The following FBXL17 variants were observed in gnomAD, a reference collection of about 807,000 sequenced individuals.
The protein encoded by FBXL17 is F-box/LRR-repeat protein 17.
FBXL17 carries 22 observed loss-of-function variants against 66.2 expected under a neutral mutation model. The observed-to-expected ratio is 0.33, with a 90% CI of 0.24 to 0.47. The LOEUF (loss-of-function observed/expected upper bound fraction) is 0.47, where lower values mean the gene tolerates loss of function less well. Ranked by LOEUF, FBXL17 falls within the 20% of genes least tolerant of loss-of-function variation. The probability of loss-of-function intolerance (pLI) is 1.00; values close to 1 mark genes in which losing one functional copy is unlikely to be tolerated. For synonymous variants in FBXL17, 474 were observed against 400.5 expected, an observed-to-expected ratio of 1.18 and a Z score of -2.19; for missense variants, 878 against 948.2, an observed-to-expected ratio of 0.93 and a Z score of 0.97.
At chr5:108,239,110 C>T (rs1419427735) in intron 4 of FBXL17, among the ~76,000 whole-genome samples, 1 of 151,944 alleles carries the variant, frequency 6.6e-6, no homozygotes, top group African/African-American at 2.4e-5. Context: ...GGCTGCAGTA[C>T]AGTAGCGCGA....
intron 6 of FBXL17, among the ~76,000 whole-genome samples, chr5:108,087,866 A>G (rs1397704037): frequency 6.6e-6 from 1 of 152,230 alleles, no homozygotes; most frequent in Non-Finnish European, 1.5e-5. Flanking sequence ...TAATACAATT[A>G]AGTTTGCTGG....
chr5:107,986,519 A>AATTAAAAT (rs1477656295), intron 7 of FBXL17, among the ~76,000 whole-genome samples: 7 of 151,760 alleles, frequency 4.6e-5, no homozygotes, highest in African/African-American at 1.7e-4. Context: ...TACACTACAG[A>AATTAAAAT]ATTAAAATCC....
chr5:108,025,775 A>C (rs1754797616), intron 6 of FBXL17, among the ~76,000 whole-genome samples: 1 of 151,888 alleles, frequency 6.6e-6, no homozygotes, highest in East Asian at 1.9e-4. Context: ...CGAAAGGAGT[A>C]AAAATTGTTT....
At chr5:107,877,958 AC>A (rs1310443236) in intron 8 of FBXL17, among the ~76,000 whole-genome samples, 1 of 151,562 alleles carries the variant, frequency 6.6e-6, no homozygotes, top group African/African-American at 2.4e-5. Flanking sequence ...CTTATTTTTC[AC>A]TATTATTTTG....
At chr5:107,866,392 T>C (rs1285652793) in intron 8 of FBXL17, among the ~76,000 whole-genome samples, 1 of 152,226 alleles carries the variant, frequency 6.6e-6, no homozygotes, top group African/African-American at 2.4e-5. Flanking sequence ...TGGTAGCAAT[T>C]TGTCTGATAT....
intron 7 of FBXL17, among the ~76,000 whole-genome samples, chr5:107,965,020 G>A (rs1752066331): frequency 1.3e-5 from 2 of 151,972 alleles, no homozygotes; most frequent in African/African-American, 2.4e-5. Flanking sequence ...GTGTTTTACC[G>A]CATTTGACAC....
intron 4 of FBXL17, among the ~76,000 whole-genome samples, chr5:108,323,785 A>G (rs1013093068): frequency 6.6e-6 from 1 of 152,096 alleles, no homozygotes; most frequent in Admixed American, 6.6e-5. Context: ...AAATTCTTGC[A>G]TAAAAAGTCA....
intron 4 of FBXL17, among the ~76,000 whole-genome samples, chr5:108,270,634 T>A (rs1757230335): frequency 6.6e-6 from 1 of 151,674 alleles, no homozygotes; most frequent in Non-Finnish European, 1.5e-5. Context: ...ACATTTAAGA[T>A]TTTCTTTCTC....
chr5:107,890,543 G>C (rs1375048464), intron 7 of FBXL17, among the ~76,000 whole-genome samples: 1 of 151,704 alleles, frequency 6.6e-6, no homozygotes, highest in Non-Finnish European at 1.5e-5. Context: ...GTGCACCTGT[G>C]GTCCCAACTA....
At chr5:108,272,764 T>A (rs955763209) in intron 4 of FBXL17, among the ~76,000 whole-genome samples, 1 of 152,200 alleles carries the variant, frequency 6.6e-6, no homozygotes, top group African/African-American at 2.4e-5. Context: ...ATTATATATA[T>A]GACTAGTGTC....
Position 108,108,869 on chromosome 5 carries a change from C to T in FBXL17, c.1745+77248G>A, listed in dbSNP as rs534446335. 1.2e-4 allele frequency among the ~76,000 whole-genome samples: 18 copies of T among 149,138 alleles called. No homozygotes were observed. In the East Asian group the frequency reaches 2.6e-3, roughly 21 times the overall value. Reference sequence around the variant, plus strand: ...TGTGATCTCGGCTCACTGCAACCTCCGCCTCCCGGGTTCAAGCGATTCTCC... The same window carrying T: ...TGTGATCTCGGCTCACTGCAACCTCTGCCTCCCGGGTTCAAGCGATTCTCC... On this transcript the variant is annotated intron_variant, in intron 6 of 8. Coordinates refer to ENST00000542267, the MANE Select transcript of FBXL17 (RefSeq NM_001163315.3).
intron 7 of FBXL17, among the ~76,000 whole-genome samples, chr5:107,908,988 C>T (rs1749856082): frequency 6.6e-6 from 1 of 152,038 alleles, no homozygotes. Flanking sequence ...AAGTGGCCGT[C>T]GTGATAGATT....
chr5:108,134,386 T>C (rs983255209), intron 6 of FBXL17, among the ~76,000 whole-genome samples: 1 of 152,212 alleles, frequency 6.6e-6, no homozygotes, highest in African/African-American at 2.4e-5. Context: ...TTTTTACTTC[T>C]ATAATTTAAT....
chr5:108,163,423 CAG>C (rs1426206770), intron 6 of FBXL17, among the ~76,000 whole-genome samples: 1 of 118,580 alleles, frequency 8.4e-6, no homozygotes, highest in Non-Finnish European at 1.6e-5. Flanking sequence ...TTTTTTGAGA[CAG>C]AGTCTTGGTC....
chr5:108,130,405 T>C (rs1239943600), intron 6 of FBXL17, among the ~76,000 whole-genome samples: 4 of 152,112 alleles, frequency 2.6e-5, no homozygotes, highest in African/African-American at 7.2e-5. Context: ...TATAGTAATA[T>C]AATTTTAGGA....
intron 7 of FBXL17, among the ~76,000 whole-genome samples, chr5:107,899,292 T>C (rs1261688064): frequency 2.0e-5 from 3 of 152,180 alleles, no homozygotes; most frequent in Admixed American, 1.3e-4. Context: ...AACTGGCTGT[T>C]CATGTTATCG....
chr5:108,250,622 C>T (rs1756307966), intron 4 of FBXL17, among the ~76,000 whole-genome samples: 1 of 151,906 alleles, frequency 6.6e-6, no homozygotes, highest in African/African-American at 2.4e-5. Context: ...ACTCTAGTGG[C>T]ATTTAAAAAA....
At chr5:107,922,366 G>A (rs556054496) in intron 7 of FBXL17, among the ~76,000 whole-genome samples, 5 of 152,222 alleles carry the variant, frequency 3.3e-5, no homozygotes, top group African/African-American at 1.2e-4. Flanking sequence ...AAGACAACAT[G>A]AGATTGTTTT....
chr5:108,175,056 T>C (rs1752748806), intron 6 of FBXL17, among the ~76,000 whole-genome samples: 1 of 152,166 alleles, frequency 6.6e-6, no homozygotes, highest in South Asian at 2.1e-4. Context: ...ATAAATCTGT[T>C]AGAAAGGGAG....
Sources: gnomAD v4.1 joint callset for allele counts (sites outside exome capture counted in the v4.1 genomes callset) on GRCh38, gnomAD v4.1.1 for gene constraint, MANE v1.5 for transcripts, NCBI Gene and HGNC (gene_info 2026-07-23, HGNC 2026-07-21) for gene names.